Variants in RCC1L observed in about 807,000 individuals in gnomAD.
RCC1L encodes the protein RCC1-like G exchanging factor-like protein.
RCC1L carries 46 observed loss-of-function variants against 58.6 expected under a neutral mutation model. That is an observed-to-expected ratio of 0.79 (90% CI 0.62 to 1.00). The LOEUF (loss-of-function observed/expected upper bound fraction) is 1.00, where lower values mean the gene tolerates loss of function less well. Ranked by LOEUF, RCC1L falls within the 50% of genes least tolerant of loss-of-function variation. The pLI, the probability that RCC1L is intolerant of heterozygous loss-of-function variation, is 0.00. For synonymous variants in RCC1L, 281 were observed against 262.9 expected (o/e 1.07, Z -0.67); for missense variants, 636 against 623.6 (o/e 1.02, Z -0.21).
At position 75,066,704 on chromosome 7, in the gene RCC1L, G is replaced by A. The variant is rs781976305; in HGVS notation, c.543C>T (p.Cys181=). The A allele has an allele frequency of 2.6e-5, 42 of 1,613,106 alleles. No homozygotes were observed. The highest frequency in any genetic ancestry group is 5.3e-5 in the African/African-American group (4 of 75,002). ...PQETRVLQVS[C]GRAHSLVLTD... ...TCAACACAAGAGAGTGAGCTCGGCC[G>A]CAGGAGACCTGCAGCACCCGTGTCT... The change falls in exon 3 of 11, where the codon TGC becomes TGT. Residue 181 remains cysteine, a synonymous_variant. Transcript: ENST00000610322.
At chr7:75,056,682 CCA>C in intron 8 of RCC1L, 1 of 1,535,452 alleles carries the variant, frequency 6.5e-7, no homozygotes, top group Non-Finnish European at 8.7e-7. Flanking sequence ...GCTCTCCACT[CCA>C]GAGGTTTGCT....
At chr7:75,063,241 T>G in intron 5 of RCC1L, 51 bp downstream of exon 5, 1 of 1,611,544 alleles carries the variant, frequency 6.2e-7, no homozygotes, top group Non-Finnish European at 8.5e-7. Context: ...TCTCAACTTT[T>G]CAAAAGCACC....
At chr7:75,045,565 G>A (rs1475728885) in intron 10 of RCC1L, among the ~76,000 whole-genome samples, 1 of 150,690 alleles carries the variant, frequency 6.6e-6, no homozygotes, top group Non-Finnish European at 1.5e-5. Context: ...CACCAGGCTA[G>A]AGTGCAGTGG....
intron 2 of RCC1L, among the ~76,000 whole-genome samples, chr7:75,069,142 C>A (rs1806628189): frequency 6.6e-6 from 1 of 152,068 alleles, no homozygotes; most frequent in African/African-American, 2.4e-5. Context: ...GCTGGGATTA[C>A]AGGCGTGAGC....
intron 10 of RCC1L, among the ~76,000 whole-genome samples, chr7:75,051,533 C>T (rs1486264542): frequency 8.5e-5 from 13 of 152,100 alleles, no homozygotes; most frequent in African/African-American, 3.1e-4. Flanking sequence ...CTGCCTCAGC[C>T]TCCCAAGTAG....
chr7:75,072,161 C>CATATATATATATATAT lies in RCC1L; in HGVS notation c.324+1237_324+1252dup, dbSNP rs1165938365. Among the ~76,000 whole-genome samples the CATATATATATATATAT allele has an allele frequency of 4.0e-3, 185 of 46,302 alleles. 2 individuals are homozygous for CATATATATATATATAT. Among genetic ancestry groups the CATATATATATATATAT allele is most frequent in the African/African-American group, 9.1e-3 (157 of 17,206 alleles). 30.4% of individuals were successfully genotyped at this position (46,302 alleles called of 152,430 possible). Reference sequence around the variant, plus strand: ...ATTTATACATATACATATACATATACATATATATATATATATATATATATA... The same window carrying CATATATATATATATAT: ...ATTTATACATATACATATACATATACATATATATATATATATATATATATATATATATATATATATA... On this transcript the variant is annotated intron_variant, in intron 1 of 10. Coordinates refer to ENST00000610322, the MANE Select transcript of RCC1L (RefSeq NM_030798.5).
exon 11 of RCC1L, chr7:75,027,788 T>C: frequency 1.8e-6 from 1 of 557,868 alleles, no homozygotes; most frequent in African/African-American, 1.9e-5. Context: ...GTTTATCTTC[T>C]CGGCGTTCTG....
At chr7:75,038,803 G>A (rs978249070), downstream of RCC1L, among the ~76,000 whole-genome samples, 118 of 152,306 alleles carry the variant, frequency 7.7e-4, 1 homozygote, top group African/African-American at 2.5e-3. Context: ...GAGGGTCCCT[G>A]GGAGGCAGCT....
chr7:75,059,569 G>A (rs1469481383), intron 6 of RCC1L, among the ~76,000 whole-genome samples: 1 of 151,936 alleles, frequency 6.6e-6, no homozygotes, highest in Admixed American at 6.6e-5. Flanking sequence ...ACTGCGCCTG[G>A]TCTAAAATTT....
chr7:75,033,071 CAAAAAAAAAAAA>C (rs71098024), intron 10 of RCC1L, among the ~76,000 whole-genome samples: 1 of 70,138 alleles, frequency 1.4e-5, no homozygotes, highest in Admixed American at 1.8e-4. Context: ...GACTTTGTCT[CAAAAAAAAAAAA>C]AAAAAAAAAA....
chr7:75,058,467 G>T, intron 7 of RCC1L, 121 bp downstream of exon 7: 1 of 1,307,042 alleles, frequency 7.7e-7, no homozygotes, highest in Non-Finnish European at 1.1e-6. Flanking sequence ...CTGACCTCAA[G>T]CCATCTGCCT....
chr7:75,028,199 C>G (rs1482547346), intron 10 of RCC1L: 17 of 921,302 alleles, frequency 1.8e-5, no homozygotes, highest in Non-Finnish European at 2.5e-5. Context: ...CTCACTGCAG[C>G]AACCTCCACT....
chr7:75,073,668 C>G lies in RCC1L; in HGVS notation c.70G>C (p.Gly24Arg). The G allele has an allele frequency of 6.7e-7, 1 of 1,488,764 alleles. No homozygotes were observed. Among genetic ancestry groups the G allele is most frequent in the Non-Finnish European group, 8.9e-7 (1 of 1,127,324 alleles). 92.2% of individuals were successfully genotyped at this position (1,488,764 alleles called of 1,614,324 possible). A position where few individuals can be genotyped will look rare whatever the true frequency, so the allele number is the denominator to read the frequency against. The change falls in exon 1 of 11, where the codon GGG becomes CGG. Residue 24 changes from glycine (G) to arginine (R), a missense_variant. Transcript: ENST00000610322. Reference sequence around the variant, plus strand: ...GAGCGCCCGGCCGCCGTCCAGTGCCCTCGCCCCAGCCCCGGCCCGCTCAGC... The same window carrying G: ...GAGCGCCCGGCCGCCGTCCAGTGCCGTCGCCCCAGCCCCGGCCCGCTCAGC... The part of the protein sequence containing the change: ...RRLSGPGLGR[G>R]HWTAAGRSRS...
downstream of RCC1L, chr7:75,042,097 T>C (rs1042221159): frequency 6.2e-6 from 5 of 805,906 alleles, no homozygotes; most frequent in East Asian, 1.3e-4. Context: ...TATTTTTCAC[T>C]GGCTTCTGCC....
chr7:75,070,872 CGGGG>C, intron 1 of RCC1L, 103 bp from the exon 2 acceptor site: 1 of 1,483,340 alleles, frequency 6.7e-7, no homozygotes, highest in South Asian at 1.2e-5. Flanking sequence ...ATACTATTTA[CGGGG>C]GTTTTGTTTT....
At chr7:75,055,054 G>C (rs1180219793) in intron 9 of RCC1L, among the ~76,000 whole-genome samples, 1 of 152,204 alleles carries the variant, frequency 6.6e-6, no homozygotes, top group African/African-American at 2.4e-5. Flanking sequence ...GTGGGAATGA[G>C]GCCAGAGAAC....
downstream of RCC1L, among the ~76,000 whole-genome samples, chr7:75,041,535 A>G (rs1316184161): frequency 2.0e-5 from 3 of 152,004 alleles, no homozygotes; most frequent in African/African-American, 4.8e-5. Context: ...TCCCAACTGA[A>G]CTGCGGGAGT....
downstream of RCC1L, among the ~76,000 whole-genome samples, chr7:75,039,997 T>G (rs1291284962): frequency 6.6e-6 from 1 of 151,966 alleles, no homozygotes; most frequent in Non-Finnish European, 1.5e-5. Flanking sequence ...AGGTGACAGC[T>G]GGGGAGAAGG....
At chr7:75,056,666 T>C (rs889023616) in intron 8 of RCC1L, 20 of 1,535,294 alleles carry the variant, frequency 1.3e-5, no homozygotes, top group Admixed American at 7.8e-5. Context: ...GGGAATGAAG[T>C]AGTTCGCTCT....
Sources: allele counts gnomAD v4.1 joint callset (sites outside exome capture counted in the v4.1 genomes callset), GRCh38; gene constraint gnomAD v4.1.1; transcripts MANE v1.5; gene names NCBI Gene and HGNC (gene_info 2026-07-23, HGNC 2026-07-21).